Variants in FAM83B observed in about 807,000 individuals in gnomAD.
FAM83B encodes the protein scaffolding CK1 anchoring protein B, also known as protein FAM83B.
A neutral mutation model predicts 38.8 loss-of-function variants in FAM83B; 26 were observed. That is an observed-to-expected ratio of 0.67 (90% CI 0.49 to 0.93). FAM83B has a LOEUF of 0.93. Ranked by LOEUF, FAM83B falls within the 40% of genes least tolerant of loss-of-function variation. The pLI is 0.00. For missense variants in FAM83B, 1,237 were observed against 1,197.3 expected, an observed-to-expected ratio of 1.03 and a Z score of -0.49; for synonymous variants, 419 against 423.1, an observed-to-expected ratio of 0.99 and a Z score of 0.12.
chr6:54,894,641 C>G (rs1283756177), intron 2 of FAM83B, among the ~76,000 whole-genome samples: 1 of 152,094 alleles, frequency 6.6e-6, no homozygotes, highest in Non-Finnish European at 1.5e-5. Context: ...TGGTGTTTAA[C>G]AAATTTTGAT....
chr6:54,871,880 T>C (rs1771864529), intron 2 of FAM83B, among the ~76,000 whole-genome samples: 1 of 151,462 alleles, frequency 6.6e-6, no homozygotes, highest in Non-Finnish European at 1.5e-5. Flanking sequence ...CACACACGCA[T>C]GACATTGCTT....
intron 1 of FAM83B, among the ~76,000 whole-genome samples, 176 bp from the exon 2 acceptor site, chr6:54,870,011 G>A (rs1771805835): frequency 6.6e-6 from 1 of 152,192 alleles, no homozygotes; most frequent in African/African-American, 2.4e-5. Context: ...TAGCTTATTT[G>A]TGATAGATGT....
intron 1 of FAM83B, among the ~76,000 whole-genome samples, chr6:54,867,919 C>T (rs539837581): frequency 9.2e-5 from 14 of 152,124 alleles, no homozygotes; most frequent in Admixed American, 2.0e-4. Flanking sequence ...TAGTAGTTAC[C>T]TATGACTTAA....
intron 1 of FAM83B, among the ~76,000 whole-genome samples, chr6:54,864,584 G>A (rs1771658129): frequency 6.6e-6 from 1 of 152,110 alleles, no homozygotes; most frequent in Admixed American, 6.6e-5. Flanking sequence ...TAATGAGTTT[G>A]GATGTCAACA....
At chr6:54,882,909 T>G (rs990025270) in intron 2 of FAM83B, among the ~76,000 whole-genome samples, 2 of 152,138 alleles carry the variant, frequency 1.3e-5, no homozygotes, top group Non-Finnish European at 2.9e-5. Flanking sequence ...CTTCAGTTAG[T>G]CATCCTCTAT....
intron 2 of FAM83B, among the ~76,000 whole-genome samples, chr6:54,913,419 A>T (rs1022616697): frequency 2.6e-5 from 4 of 152,060 alleles, no homozygotes; most frequent in African/African-American, 9.7e-5. Flanking sequence ...ATCCCATGGG[A>T]CAGGAAGTAT....
chr6:54,888,698 C>T (rs1772334509), intron 2 of FAM83B, among the ~76,000 whole-genome samples: 1 of 151,794 alleles, frequency 6.6e-6, no homozygotes. Flanking sequence ...TTTTTAATAG[C>T]TTTAACATGA....
intron 2 of FAM83B, among the ~76,000 whole-genome samples, chr6:54,925,954 G>A (rs1221112676): frequency 6.6e-6 from 1 of 151,708 alleles, no homozygotes; most frequent in Non-Finnish European, 1.5e-5. Context: ...CTCTGTCTCA[G>A]TTCCCCAAGA....
intron 2 of FAM83B, among the ~76,000 whole-genome samples, chr6:54,906,232 C>A (rs239829): frequency 0.18 from 26,598 of 151,842 alleles, 2,513 homozygotes; most frequent in Middle Eastern, 0.27. Context: ...GTCATTTATA[C>A]CATTAAGAGC....
Position 54,940,736 on chromosome 6 carries a change from CATTTGACAG to C in FAM83B, c.1767_1775del (p.Leu590_Asp592del), listed in dbSNP as rs774872078. On this transcript the variant is annotated inframe_deletion, in exon 5 of 5. Transcript: ENST00000306858. Reference sequence around the variant, plus strand: ...CCCAGACACCCCTACGAATGTACAGCATTTGACAGACAAACCCTTGCCAGAATCAATCCC... The same window carrying C: ...CCCAGACACCCCTACGAATGTACAGCACAAACCCTTGCCAGAATCAATCCC... The C allele has an allele frequency of 5.0e-6, 8 of 1,614,010 alleles. No homozygotes were observed. The South Asian group carries it at 8.8e-5, about 18-fold the overall frequency.
intron 2 of FAM83B, among the ~76,000 whole-genome samples, chr6:54,883,397 C>CA (rs1198767074): frequency 7.4e-6 from 1 of 134,500 alleles, no homozygotes; most frequent in African/African-American, 2.9e-5. Context: ...TGCAATGGGG[C>CA]AATCTTGGCT....
chr6:54,921,477 T>C (rs1219622517), intron 2 of FAM83B, among the ~76,000 whole-genome samples: 2 of 152,106 alleles, frequency 1.3e-5, no homozygotes, highest in East Asian at 3.9e-4. Flanking sequence ...GAAGTTTTAC[T>C]CAAATCTTAA....
At chr6:54,915,042 AT>A (rs1435468962) in intron 2 of FAM83B, among the ~76,000 whole-genome samples, 4 of 152,056 alleles carry the variant, frequency 2.6e-5, no homozygotes, top group African/African-American at 4.8e-5. Context: ...CATCAAGCAA[AT>A]CACCTCTTTC....
intron 1 of FAM83B, among the ~76,000 whole-genome samples, chr6:54,864,680 C>G (rs1375363735): frequency 6.6e-6 from 1 of 152,076 alleles, no homozygotes; most frequent in Non-Finnish European, 1.5e-5. Flanking sequence ...TAATTGTTAT[C>G]TTAAATTTCT....
At chr6:54,900,815 A>T (rs1222431916) in intron 2 of FAM83B, among the ~76,000 whole-genome samples, 1 of 152,210 alleles carries the variant, frequency 6.6e-6, no homozygotes, top group South Asian at 2.1e-4. Context: ...GATGAGTGTG[A>T]TAGACCACCC....
intron 1 of FAM83B, among the ~76,000 whole-genome samples, chr6:54,862,614 T>C (rs769870594): frequency 3.3e-5 from 5 of 152,176 alleles, no homozygotes; most frequent in African/African-American, 4.8e-5. Flanking sequence ...CGGTGCCTCA[T>C]GCCTGTAATC....
chr6:54,859,166 T>C (rs1408294341), intron 1 of FAM83B, among the ~76,000 whole-genome samples: 2 of 151,802 alleles, frequency 1.3e-5, no homozygotes, highest in Non-Finnish European at 2.9e-5. Flanking sequence ...GTTCAAGCGA[T>C]TCTCCCTGCC....
intron 2 of FAM83B, among the ~76,000 whole-genome samples, chr6:54,883,007 G>T (rs1258253629): frequency 1.3e-5 from 2 of 151,922 alleles, no homozygotes; most frequent in Non-Finnish European, 2.9e-5. Context: ...GCAGTGGCGC[G>T]ATCTCAGCTC....
chr6:54,940,448 C>T lies in FAM83B; in HGVS notation c.1477C>T (p.Arg493Cys), dbSNP rs373419492. The T allele has an allele frequency of 9.3e-6, 15 of 1,613,914 alleles. No individual in the cohort carries two copies. The highest frequency in any genetic ancestry group is 3.3e-4 in the Middle Eastern group (2 of 6,080). Reference sequence around the variant, plus strand: ...TGAACATACCACAAAGTCATTCCTACGTAACTGGAGAATTGAATCCTACTT... The same window carrying T: ...TGAACATACCACAAAGTCATTCCTATGTAACTGGAGAATTGAATCCTACTT... ...TLEHTTKSFLRNWRIESYLND... is the reference protein window; with the variant it reads ...TLEHTTKSFLCNWRIESYLND... Residue 493 changes from arginine to cysteine, a missense_variant, in exon 5 of 5, where the codon CGT becomes TGT. Physicochemically the swap from Arg to Cys is radical, Grantham distance 180. Transcript: ENST00000306858.
Sources: allele counts gnomAD v4.1 joint callset (sites outside exome capture counted in the v4.1 genomes callset), GRCh38; gene constraint gnomAD v4.1.1; transcripts MANE v1.5; gene names NCBI Gene and HGNC (gene_info 2026-07-23, HGNC 2026-07-21).